The following PLCG2 variants were observed in gnomAD, a reference collection of about 807,000 sequenced individuals.
PLCG2 encodes the protein phospholipase C gamma 2, also known as 1-phosphatidylinositol 4,5-bisphosphate phosphodiesterase gamma-2.
PLCG2 carries 69 observed loss-of-function variants against 175.6 expected under a neutral mutation model. That is an observed-to-expected ratio of 0.39 (90% CI 0.32 to 0.48). The LOEUF (loss-of-function observed/expected upper bound fraction) is 0.48, where lower values mean the gene tolerates loss of function less well. PLCG2 is among the 20% of genes least tolerant of loss of function. PLCG2 has a pLI of 0.91. For missense variants in PLCG2, 1,798 were observed against 1,650.9 expected, an observed-to-expected ratio of 1.09 and a Z score of -1.54; for synonymous variants, 827 against 624.0, an observed-to-expected ratio of 1.33 and a Z score of -4.85.
At chr16:81,946,288 G>C in intron 31 of PLCG2, 25 bp downstream of exon 31, 1 of 1,559,798 alleles carries the variant, frequency 6.4e-7, no homozygotes, top group Non-Finnish European at 8.8e-7. Context: ...ACCAGTTAAG[G>C]GTTCCCTGAG....
chr16:81,845,091 G>A (rs994613650), intron 2 of PLCG2, among the ~76,000 whole-genome samples: 1 of 152,106 alleles, frequency 6.6e-6, no homozygotes, highest in East Asian at 1.9e-4. Flanking sequence ...AGCACACTTG[G>A]CTAACTGCGT....
intron 5 of PLCG2, among the ~76,000 whole-genome samples, chr16:81,862,037 C>T (rs1020436888): frequency 2.0e-5 from 3 of 152,242 alleles, no homozygotes; most frequent in Non-Finnish European, 4.4e-5. Flanking sequence ...CCCACCTTTC[C>T]TGTGGTTCTG....
intron 2 of PLCG2, among the ~76,000 whole-genome samples, chr16:81,850,580 T>A (rs905063251): frequency 1.3e-5 from 2 of 152,178 alleles, no homozygotes; most frequent in Non-Finnish European, 1.5e-5. Flanking sequence ...TTGGAGCTTA[T>A]GCCCAGGCAT....
In PLCG2 at chr16:81,803,745, G is replaced by A. The variant is rs567230695; in HGVS notation, c.193+17563G>A. ...CGGTCAGGCCGGAGGGCAGTGGTGCGATTTTGGTTCACTGCATCCTCTACC... is the reference window on the plus strand; with the variant it reads ...CGGTCAGGCCGGAGGGCAGTGGTGCAATTTTGGTTCACTGCATCCTCTACC... On this transcript the variant is annotated intron_variant, in intron 2 of 32. Coordinates refer to ENST00000564138, the MANE Select transcript of PLCG2 (RefSeq NM_002661.5). Among the ~76,000 whole-genome samples, 81 of 145,826 alleles carry A rather than the reference G, an allele frequency of 5.6e-4. 1 individual carries two copies. The highest frequency in any genetic ancestry group is 4.5e-3 in the Admixed American group (65 of 14,446).
At chr16:81,904,734 GC>G (rs1909292938) in intron 14 of PLCG2, among the ~76,000 whole-genome samples, 1 of 152,196 alleles carries the variant, frequency 6.6e-6, no homozygotes, top group African/African-American at 2.4e-5. Flanking sequence ...TCAACAGGAA[GC>G]AAAACAACAT....
At chr16:81,942,851 T>A (rs1051845630) in intron 30 of PLCG2, among the ~76,000 whole-genome samples, 1 of 152,164 alleles carries the variant, frequency 6.6e-6, no homozygotes, top group Non-Finnish European at 1.5e-5. Context: ...TTGATCTTAC[T>A]TTAAAAGGTG....
At chr16:81,836,929 G>A (rs1271795877) in intron 2 of PLCG2, among the ~76,000 whole-genome samples, 1 of 152,178 alleles carries the variant, frequency 6.6e-6, no homozygotes, top group Non-Finnish European at 1.5e-5. Flanking sequence ...TGTACTCAGT[G>A]TTTCTGTGCA....
chr16:81,928,460 A>G, intron 23 of PLCG2, 98 bp from the exon 24 acceptor site: 1 of 781,334 alleles, frequency 1.3e-6, no homozygotes, highest in Non-Finnish European at 2.3e-6. Flanking sequence ...AAACAGTTCC[A>G]CAGGCAGTAT....
Position 81,859,099 on chromosome 16 carries a change from C to T in PLCG2, c.432-17C>T. On this transcript the variant is annotated splice_polypyrimidine_tract_variant and intron_variant, in intron 4 of 32. Transcript: ENST00000564138. ...TTTTCTCTTTCTCTCTTTCTTTTGT[C>T]TCATATTTCTTTCCAGTTGGCTGAG... is the stretch of plus-strand genomic sequence containing the variant. 1 of 1,504,438 alleles carries T rather than the reference C, an allele frequency of 6.6e-7. No homozygotes were observed. The highest frequency in any genetic ancestry group is 9.3e-7 in the Non-Finnish European group (1 of 1,080,074). 93.2% of individuals were successfully genotyped at this position (1,504,438 alleles called of 1,614,324 possible).
At chr16:81,951,932 A>G (rs1481786706) in intron 31 of PLCG2, among the ~76,000 whole-genome samples, 1 of 152,214 alleles carries the variant, frequency 6.6e-6, no homozygotes, top group East Asian at 1.9e-4. Flanking sequence ...ATAGTTTACA[A>G]AACAGGAAGA....
At chr16:81,865,719 C>G (rs927042690) in intron 5 of PLCG2, among the ~76,000 whole-genome samples, 4 of 151,058 alleles carry the variant, frequency 2.6e-5, no homozygotes, top group East Asian at 3.9e-4. Flanking sequence ...ACGCTGGCCT[C>G]TCCCTTGCTC....
At chr16:81,789,501 C>G (rs368616874) in intron 2 of PLCG2, among the ~76,000 whole-genome samples, 1 of 151,982 alleles carries the variant, frequency 6.6e-6, no homozygotes, top group South Asian at 2.1e-4. Flanking sequence ...GTTGCCGAGG[C>G]TGGTCTCCAA....
At chr16:81,855,002 G>A (rs376732190) in intron 3 of PLCG2, among the ~76,000 whole-genome samples, 1 of 152,048 alleles carries the variant, frequency 6.6e-6, no homozygotes, top group Admixed American at 6.6e-5. Flanking sequence ...TTGAGGTCAG[G>A]AGTTTGAGAC....
intron 11 of PLCG2, among the ~76,000 whole-genome samples, chr16:81,893,477 G>C (rs1441501869): frequency 6.6e-6 from 1 of 152,240 alleles, no homozygotes; most frequent in Non-Finnish European, 1.5e-5. Context: ...TGCCCAGGTG[G>C]TCAGCAGTCA....
intron 3 of PLCG2, among the ~76,000 whole-genome samples, chr16:81,856,587 G>C (rs935377261): frequency 6.6e-6 from 1 of 152,190 alleles, no homozygotes; most frequent in Admixed American, 6.5e-5. Context: ...TTGTGGTGCA[G>C]ATTATTCCAG....
intron 2 of PLCG2, among the ~76,000 whole-genome samples, chr16:81,831,105 T>G (rs754938998): frequency 1.3e-5 from 2 of 152,168 alleles, no homozygotes; most frequent in Non-Finnish European, 2.9e-5. Context: ...TGATAACACC[T>G]TCTATGAGAG....
chr16:81,893,265 C>T (rs992417181), intron 11 of PLCG2, among the ~76,000 whole-genome samples: 4 of 152,172 alleles, frequency 2.6e-5, no homozygotes, highest in African/African-American at 7.2e-5. Context: ...CTAGCATAGC[C>T]GATTGCACCA....
intron 2 of PLCG2, among the ~76,000 whole-genome samples, chr16:81,849,607 A>G (rs1244615912): frequency 1.3e-5 from 2 of 151,990 alleles, no homozygotes; most frequent in Non-Finnish European, 1.5e-5. Flanking sequence ...AGAAATACAC[A>G]TACACACACA....
intron 29 of PLCG2, among the ~76,000 whole-genome samples, chr16:81,939,566 C>A (rs1910853469): frequency 1.3e-5 from 2 of 152,086 alleles, no homozygotes; most frequent in South Asian, 4.1e-4. Context: ...GGCTCTCCTC[C>A]CCTTTTGTCT....
Sources: allele counts gnomAD v4.1 joint callset (sites outside exome capture counted in the v4.1 genomes callset), GRCh38; gene constraint gnomAD v4.1.1; transcripts MANE v1.5; gene names NCBI Gene and HGNC (gene_info 2026-07-23, HGNC 2026-07-21).